Variants in CRISPLD2 observed in about 807,000 individuals in gnomAD.
The protein encoded by CRISPLD2 is cysteine-rich secretory protein LCCL domain-containing 2.
In CRISPLD2, 47 loss-of-function variants were observed where a neutral mutation model predicts 71.1. The observed-to-expected ratio is 0.66, with a 90% CI of 0.52 to 0.84. The LOEUF (loss-of-function observed/expected upper bound fraction) is 0.84, where lower values mean the gene tolerates loss of function less well. CRISPLD2 is among the 40% of genes least tolerant of loss of function. CRISPLD2 has a pLI of 0.00. For synonymous variants in CRISPLD2, 317 were observed against 250.1 expected (o/e 1.27, Z -2.52); for missense variants, 830 against 651.1 (o/e 1.27, Z -2.99).
At chr16:84,873,335 A>C in intron 10 of CRISPLD2, 2 of 394,766 alleles carry the variant, frequency 5.1e-6, no homozygotes, top group East Asian at 1.2e-4. Flanking sequence ...AAAGTTAGCC[A>C]GGCGTGGTGG....
chr16:84,848,985 CA>C (rs11389223), intron 3 of CRISPLD2, among the ~76,000 whole-genome samples: 3,154 of 106,678 alleles, frequency 0.03, 89 homozygotes, highest in African/African-American at 0.11. Context: ...GACTCCGTCT[CA>C]AAAAAAAAAA....
chr16:84,825,622 G>C (rs1273365719), intron 1 of CRISPLD2, among the ~76,000 whole-genome samples: 2 of 152,084 alleles, frequency 1.3e-5, no homozygotes, highest in African/African-American at 2.4e-5. Flanking sequence ...TAGGCGTGGT[G>C]GTGCACGCCT....
intron 1 of CRISPLD2, among the ~76,000 whole-genome samples, chr16:84,834,274 G>C (rs988770489): frequency 6.6e-5 from 10 of 152,380 alleles, no homozygotes; most frequent in Admixed American, 4.6e-4. Flanking sequence ...GGTTGCTGGC[G>C]TGAGCCCCTT....
At chr16:84,830,140 T>C (rs1275040538) in intron 1 of CRISPLD2, among the ~76,000 whole-genome samples, 2 of 151,878 alleles carry the variant, frequency 1.3e-5, no homozygotes, top group Non-Finnish European at 2.9e-5. Flanking sequence ...CTGGGCAACA[T>C]AGTGAAACCC....
At chr16:84,879,889 T>G (rs2071553391) in intron 12 of CRISPLD2, among the ~76,000 whole-genome samples, 1 of 152,194 alleles carries the variant, frequency 6.6e-6, no homozygotes, top group Admixed American at 6.5e-5. Context: ...CAGAAGATCT[T>G]TTCTTAAGTA....
At chr16:84,891,418 C>G (rs1043941742) in intron 14 of CRISPLD2, among the ~76,000 whole-genome samples, 1 of 152,140 alleles carries the variant, frequency 6.6e-6, no homozygotes, top group African/African-American at 2.4e-5. Flanking sequence ...CCCGGTGACT[C>G]TGCCATCGGC....
chr16:84,894,944 C>G (rs1016816630), intron 14 of CRISPLD2, among the ~76,000 whole-genome samples: 1 of 151,980 alleles, frequency 6.6e-6, no homozygotes, highest in African/African-American at 2.4e-5. Flanking sequence ...ACAGAAGATA[C>G]TAAGCTATCA....
Position 84,907,519 on chromosome 16 carries a change from C to T in CRISPLD2, c.*877C>T, listed in dbSNP as rs2071814371. The T allele has an allele frequency of 6.6e-6, 1 of 152,248 alleles. No individual in the cohort carries two copies. Among genetic ancestry groups the T allele is most frequent in the African/African-American group, 2.4e-5 (1 of 41,466 alleles). The allele number at this position is 152,248 out of a possible 1,614,324, so 9.4% of individuals were successfully genotyped here. On this transcript the variant is annotated 3_prime_UTR_variant, in exon 15 of 15. Coordinates refer to ENST00000262424, the MANE Select transcript of CRISPLD2 (RefSeq NM_031476.4). Reference sequence around the variant, plus strand: ...GTCCTGGTTCACACCCAGGACTTTTCTTTGCAAGCGAACCTGTTTGAAGCC... The same window carrying T: ...GTCCTGGTTCACACCCAGGACTTTTTTTTGCAAGCGAACCTGTTTGAAGCC...
chr16:84,840,548 C>A (rs1226536580), intron 2 of CRISPLD2, among the ~76,000 whole-genome samples: 1 of 152,170 alleles, frequency 6.6e-6, no homozygotes, highest in Non-Finnish European at 1.5e-5. Flanking sequence ...GCCCTGTCGT[C>A]CAGGCTGGGG....
At chr16:84,833,450 A>G in intron 1 of CRISPLD2, among the ~76,000 whole-genome samples, 1 of 152,230 alleles carries the variant, frequency 6.6e-6, no homozygotes, top group East Asian at 1.9e-4. Context: ...TTCATTATCA[A>G]TGAGTGGCTG....
At chr16:84,888,544 C>G (rs1239911273) in intron 13 of CRISPLD2, among the ~76,000 whole-genome samples, 1 of 152,200 alleles carries the variant, frequency 6.6e-6, no homozygotes, top group African/African-American at 2.4e-5. Flanking sequence ...CCCAGCTGCT[C>G]CCTTGGTACC....
intron 5 of CRISPLD2, among the ~76,000 whole-genome samples, chr16:84,851,575 A>T (rs1917091239): frequency 6.6e-6 from 1 of 152,206 alleles, no homozygotes. Context: ...TTGGGAGGAA[A>T]AATAGAAGCC....
intron 10 of CRISPLD2, chr16:84,873,506 C>CAACACAAAA (rs1597471539): frequency 8.9e-6 from 1 of 112,192 alleles, no homozygotes; most frequent in Non-Finnish European, 1.7e-5. Context: ...ACAACAACAA[C>CAACACAAAA]AAAAAAAAAA....
chr16:84,862,327 C>A (rs1025390838), intron 6 of CRISPLD2, among the ~76,000 whole-genome samples: 2 of 152,048 alleles, frequency 1.3e-5, no homozygotes, highest in African/African-American at 4.8e-5. Context: ...CTCAGCCTCC[C>A]GAGTAGCTGG....
intron 1 of CRISPLD2, among the ~76,000 whole-genome samples, chr16:84,837,547 G>C (rs1916652893): frequency 3.3e-5 from 5 of 151,952 alleles, no homozygotes; most frequent in Admixed American, 3.3e-4. Context: ...CTCCCAAGTA[G>C]CTGGGACTAC....
intron 14 of CRISPLD2, among the ~76,000 whole-genome samples, chr16:84,903,691 A>G (rs1180704417): frequency 1.3e-5 from 2 of 152,226 alleles, no homozygotes; most frequent in African/African-American, 2.4e-5. Flanking sequence ...TCTGGAAGAC[A>G]TGCTCCAGAG....
chr16:84,857,488 A>G (rs914271661), intron 6 of CRISPLD2, among the ~76,000 whole-genome samples: 13 of 152,088 alleles, frequency 8.5e-5, no homozygotes, highest in African/African-American at 2.9e-4. Flanking sequence ...ATCCAGCCAA[A>G]CCACTGGCTA....
At chr16:84,849,550 G>A (rs1917022627) in intron 4 of CRISPLD2, 33 bp downstream of exon 4, 5 of 1,605,148 alleles carry the variant, frequency 3.1e-6, no homozygotes, top group Non-Finnish European at 4.3e-6. Flanking sequence ...CCTCAGCCCT[G>A]CCCCCCAATC....
chr16:84,850,097 T>C (rs887808227), intron 4 of CRISPLD2, among the ~76,000 whole-genome samples: 2 of 20,142 alleles, frequency 9.9e-5, no homozygotes, highest in African/African-American at 1.8e-4. Flanking sequence ...TTTGCTTGCT[T>C]TTTTTTTTTT....
Sources: gnomAD v4.1 joint callset for allele counts (sites outside exome capture counted in the v4.1 genomes callset) on GRCh38, gnomAD v4.1.1 for gene constraint, MANE v1.5 for transcripts, NCBI Gene and HGNC (gene_info 2026-07-23, HGNC 2026-07-21) for gene names.